Variants in NR2C1 observed in about 807,000 individuals in gnomAD.
NR2C1 encodes the protein TR2 nuclear hormone receptor.
Under a neutral mutation model 74.8 loss-of-function variants are expected in NR2C1, and 33 were observed. The observed-to-expected ratio is 0.44, with a 90% CI of 0.33 to 0.59. The LOEUF (loss-of-function observed/expected upper bound fraction) is 0.59. Ranked by LOEUF, NR2C1 falls within the 20% of genes least tolerant of loss-of-function variation. The probability of loss-of-function intolerance (pLI) is 0.02; values close to 1 mark genes in which losing one functional copy is unlikely to be tolerated. For synonymous variants in NR2C1, 225 were observed against 240.6 expected (o/e 0.94, Z 0.60); for missense variants, 568 against 715.6 (o/e 0.79, Z 2.35).
intron 11 of NR2C1, chr12:95,030,659 T>A (rs1869974802): frequency 1.2e-6 from 2 of 1,609,312 alleles, no homozygotes; most frequent in Admixed American, 3.3e-5. Context: ...AGCAAATGAT[T>A]TAAAAATTAT....
chr12:95,047,064 A>G (rs890459573), intron 9 of NR2C1, among the ~76,000 whole-genome samples: 14 of 152,214 alleles, frequency 9.2e-5, no homozygotes, highest in African/African-American at 4.8e-5. Flanking sequence ...GAGGACCAAC[A>G]TTAACAATAA....
At chr12:95,069,007 C>A (rs763972009) in intron 1 of NR2C1, among the ~76,000 whole-genome samples, 3 of 151,822 alleles carry the variant, frequency 2.0e-5, no homozygotes, top group East Asian at 3.9e-4. Context: ...TAAAAGGACA[C>A]ATAAGAAAGA....
At chr12:95,034,534 C>T (rs1195906277) in intron 10 of NR2C1, among the ~76,000 whole-genome samples, 2 of 152,096 alleles carry the variant, frequency 1.3e-5, no homozygotes, top group African/African-American at 2.4e-5. Flanking sequence ...TAGTACCCAT[C>T]GAAAGTTGAA....
intron 5 of NR2C1, 183 bp downstream of exon 5, chr12:95,058,127 G>A: frequency 1.6e-6 from 1 of 638,372 alleles, no homozygotes; most frequent in Non-Finnish European, 2.6e-6. Context: ...TTTTACACAG[G>A]TATTCAATAA....
chr12:95,043,582 G>A (rs1447209716), intron 9 of NR2C1, among the ~76,000 whole-genome samples: 4 of 150,984 alleles, frequency 2.6e-5, no homozygotes, highest in Non-Finnish European at 5.9e-5. Context: ...CCAGCTACTC[G>A]GGAGGCTGAG....
In NR2C1 at chr12:95,059,986, TAAAAAAAAA is replaced by T; in HGVS notation, c.286-11_286-3del. 2.7e-5 allele frequency: 29 copies of T among 1,072,532 alleles called. No individual in the cohort carries two copies. Among genetic ancestry groups the T allele is most frequent in the Admixed American group, 8.7e-5 (2 of 22,930 alleles). 66.4% of individuals were successfully genotyped at this position (1,072,532 alleles called of 1,614,324 possible). On this transcript the variant is annotated splice_region_variant and splice_polypyrimidine_tract_variant and intron_variant, in intron 3 of 13. Transcript: ENST00000333003. ...GTCTGGAGAATTATCTGTTAGGAGC[TAAAAAAAAA>T]AAAAAAAAAAAAGAAAACAAAAACG... is the stretch of plus-strand genomic sequence containing the variant.
chr12:95,053,681 G>GTTTTTTTTTTTTTTTTTTTTTTTTTTTT lies in NR2C1; in HGVS notation c.784-1739_784-1738insAAAAAAAAAAAAAAAAAAAAAAAAAAAA, dbSNP rs550069594. ...TTCTTCATGGTTTTTTCTTTTTGGT[G>GTTTTTTTTTTTTTTTTTTTTTTTTTTTT]TTTTTTTTTTTTTTTTTTTTTGAGA... is the stretch of plus-strand genomic sequence containing the variant. On this transcript the variant is annotated intron_variant, in intron 7 of 13. Transcript: ENST00000333003. 1.9e-5 allele frequency among the ~76,000 whole-genome samples: 2 copies of GTTTTTTTTTTTTTTTTTTTTTTTTTTTT among 103,414 alleles called. 1 individual carries two copies. The highest frequency in any genetic ancestry group is 8.0e-5 in the African/African-American group (2 of 24,964). 67.8% of individuals were successfully genotyped at this position (103,414 alleles called of 152,430 possible).
At chr12:95,037,894 CAA>C (rs988473049) in intron 10 of NR2C1, among the ~76,000 whole-genome samples, 46 of 67,056 alleles carry the variant, frequency 6.9e-4, no homozygotes, top group South Asian at 1.6e-3. Context: ...GCCTCCATCT[CAA>C]AAAAAAAAAA....
intron 3 of NR2C1, among the ~76,000 whole-genome samples, chr12:95,061,814 ACATAACCACAGG>A (rs1429308128): frequency 6.6e-6 from 1 of 152,254 alleles, no homozygotes. Context: ...GAAAACATCG[ACATAACCACAGG>A]CATGTGGTGT....
intron 12 of NR2C1, chr12:95,025,479 A>G (rs1411767135): frequency 6.9e-6 from 2 of 290,764 alleles, no homozygotes; most frequent in Non-Finnish European, 6.3e-6. Flanking sequence ...ACCAACATGG[A>G]GAAGCCCCAT....
rs189146877 is a variant in NR2C1 at position 95,021,982 on chromosome 12, C to T, written c.*247G>A. 8.5e-5 allele frequency: 26 copies of T among 304,986 alleles called. No individual in the cohort carries two copies. In the Admixed American group the frequency reaches 1.2e-3, roughly 14 times the overall value. The allele number at this position is 304,986 out of a possible 1,614,324, so 18.9% of individuals were successfully genotyped here. A position where few individuals can be genotyped will look rare whatever the true frequency, so the allele number is the denominator to read the frequency against. On this transcript the variant is annotated 3_prime_UTR_variant, in exon 14 of 14. Coordinates refer to ENST00000333003, the MANE Select transcript of NR2C1 (RefSeq NM_003297.4). ...AAGAGGTGACAGCTTCAGGTATCAT[C>T]TTCACCAAGAATAAATTTGTAGTGT...
chr12:95,071,571 C>A lies in NR2C1; in HGVS notation c.-8+1809G>T, dbSNP rs143898967. ...CAAAATCCTTCCTTAAGATGCGGTGCCTGTAATTCCAGCTACTCAACAGGC... is the reference window on the plus strand; with the variant it reads ...CAAAATCCTTCCTTAAGATGCGGTGACTGTAATTCCAGCTACTCAACAGGC... On this transcript the variant is annotated intron_variant, in intron 1 of 13. Coordinates refer to ENST00000333003, the MANE Select transcript of NR2C1 (RefSeq NM_003297.4). Among the ~76,000 whole-genome samples, 139 of 152,132 alleles carry A rather than the reference C, an allele frequency of 9.1e-4. 1 individual carries two copies. Among genetic ancestry groups the A allele is most frequent in the African/African-American group, 3.0e-3 (125 of 41,490 alleles).
chr12:95,056,958 CAAAA>C (rs746993156), intron 7 of NR2C1, among the ~76,000 whole-genome samples: 2 of 73,310 alleles, frequency 2.7e-5, no homozygotes, highest in African/African-American at 4.8e-5. Flanking sequence ...GACTCCATCT[CAAAA>C]AAAAAAAAAA....
intron 9 of NR2C1, among the ~76,000 whole-genome samples, chr12:95,041,923 G>T (rs993924514): frequency 6.6e-6 from 1 of 152,144 alleles, no homozygotes; most frequent in Admixed American, 6.5e-5. Flanking sequence ...CTAGAGAAAA[G>T]AATAATCCAT....
intron 10 of NR2C1, among the ~76,000 whole-genome samples, chr12:95,034,619 A>G (rs1870583996): frequency 6.6e-6 from 1 of 152,220 alleles, no homozygotes; most frequent in African/African-American, 2.4e-5. Context: ...GCATAGCACA[A>G]TGTTTTAGTC....
intron 10 of NR2C1, among the ~76,000 whole-genome samples, chr12:95,035,338 T>A (rs964546589): frequency 6.6e-6 from 1 of 152,042 alleles, no homozygotes; most frequent in African/African-American, 2.4e-5. Context: ...TTAAAAAAAA[T>A]TAAAAGCTAA....
intron 3 of NR2C1, among the ~76,000 whole-genome samples, chr12:95,060,648 C>A (rs781767660): frequency 1.3e-5 from 2 of 152,148 alleles, no homozygotes; most frequent in African/African-American, 2.4e-5. Flanking sequence ...GAACGAGACT[C>A]CATCTCAAAA....
intron 1 of NR2C1, among the ~76,000 whole-genome samples, chr12:95,070,789 CT>C (rs1383233054): frequency 2.1e-4 from 32 of 152,202 alleles, no homozygotes; most frequent in Admixed American, 2.1e-3. Flanking sequence ...CGACTTCCCC[CT>C]ATTCTCATTT....
intron 10 of NR2C1, among the ~76,000 whole-genome samples, chr12:95,036,949 T>C (rs1870925932): frequency 6.6e-6 from 1 of 152,204 alleles, no homozygotes; most frequent in African/African-American, 2.4e-5. Context: ...GGGAAAAGTA[T>C]CAGTGATAGT....
Sources: gnomAD v4.1 joint callset for allele counts (sites outside exome capture counted in the v4.1 genomes callset) on GRCh38, gnomAD v4.1.1 for gene constraint, MANE v1.5 for transcripts, NCBI Gene and HGNC (gene_info 2026-07-23, HGNC 2026-07-21) for gene names.